ABCC6: variants seen among roughly 807,000 people sequenced by gnomAD.
The protein encoded by ABCC6 is ATP-binding cassette sub-family C member 6.
Under a neutral mutation model 169.5 loss-of-function variants are expected in ABCC6, and 126 were observed. The ratio of observed to expected loss-of-function variants is 0.74; its 90% CI spans 0.64 to 0.86. The LOEUF (loss-of-function observed/expected upper bound fraction) is 0.86, where lower values mean the gene tolerates loss of function less well. Ranked by LOEUF, ABCC6 falls within the 40% of genes least tolerant of loss-of-function variation. ABCC6 has a pLI of 0.00. For missense variants in ABCC6, 1,733 were observed against 1,927.2 expected, an observed-to-expected ratio of 0.90 and a Z score of 1.89; for synonymous variants, 752 against 814.7, an observed-to-expected ratio of 0.92 and a Z score of 1.31.
At chr16:16,155,222 G>A (rs543904861) in intron 27 of ABCC6, 191 bp from the exon 28 acceptor site, 2 of 669,400 alleles carry the variant, frequency 3.0e-6, no homozygotes, top group Non-Finnish European at 5.0e-6. Flanking sequence ...TTCCATCTGT[G>A]TTCTTCTCTA....
chr16:16,166,743 T>C (rs2046887437), intron 22 of ABCC6, among the ~76,000 whole-genome samples: 1 of 151,868 alleles, frequency 6.6e-6, no homozygotes, highest in Non-Finnish European at 1.5e-5. Flanking sequence ...ATACAAAAAT[T>C]AGCTGGGCGT....
intron 8 of ABCC6, 26 bp downstream of exon 8, chr16:16,203,384 C>T: frequency 6.2e-7 from 1 of 1,613,876 alleles, no homozygotes; most frequent in Non-Finnish European, 8.5e-7. Context: ...CCCACCTTAG[C>T]AGGGCACTTG....
chr16:16,200,284 C>T (rs917484662), intron 9 of ABCC6, among the ~76,000 whole-genome samples: 23 of 151,816 alleles, frequency 1.5e-4, no homozygotes, highest in African/African-American at 4.8e-4. Flanking sequence ...ACAAAATTAG[C>T]CGGGCATGGT....
intron 21 of ABCC6, 105 bp downstream of exon 21, chr16:16,173,179 C>T: frequency 3.3e-6 from 5 of 1,523,108 alleles, no homozygotes; most frequent in Middle Eastern, 2.3e-4. Context: ...AGTAGGTGCT[C>T]AAGAAAGGTG....
chr16:16,215,224 G>A (rs2048817620), intron 4 of ABCC6, among the ~76,000 whole-genome samples: 1 of 152,042 alleles, frequency 6.6e-6, no homozygotes, highest in Non-Finnish European at 1.5e-5. Flanking sequence ...CTCATCAGCT[G>A]GAGTTTACTT....
intron 22 of ABCC6, among the ~76,000 whole-genome samples, chr16:16,167,016 GC>G (rs2046900315): frequency 6.6e-6 from 1 of 152,256 alleles, no homozygotes; most frequent in African/African-American, 2.4e-5. Context: ...TTTCAATTGT[GC>G]TGGGCTCCCA....
chr16:16,168,604 G>A (rs547788928), intron 22 of ABCC6, among the ~76,000 whole-genome samples: 1 of 152,252 alleles, frequency 6.6e-6, no homozygotes, highest in African/African-American at 2.4e-5. Flanking sequence ...CAGGGTGGGC[G>A]AGGCAGGAGA....
rs1198731141 is a variant in ABCC6, at chr16:16,210,387, T to G, written c.663-1528A>C. On this transcript the variant is annotated intron_variant, in intron 6 of 30. Coordinates refer to ENST00000205557, the MANE Select transcript of ABCC6 (RefSeq NM_001171.6). ...CCTGACCTCAGGTGATCCACCTGCC[T>G]CAGCCTCCCAAGGTGTTGGGATTAT... Among the ~76,000 whole-genome samples the G allele has an allele frequency of 1.4e-4, 21 of 152,288 alleles. No individual in the cohort carries two copies. In the South Asian group the frequency reaches 3.9e-3, roughly 29 times the overall value.
At chr16:16,182,343 TGAGTC>T in intron 17 of ABCC6, 64 bp downstream of exon 17, 1 of 1,581,520 alleles carries the variant, frequency 6.3e-7, no homozygotes, top group Non-Finnish European at 8.7e-7. Flanking sequence ...CTGCCCATGA[TGAGTC>T]GGGGACCCAA....
rs1411488471 is a variant in ABCC6, at chr16:16,150,738, C to A, written c.4243G>T (p.Ala1415Ser). ...GQKQLLCLAR[A>S]LLRKTQILIL... ...AGGATCTGGGTCTTCCGGAGAAGGG[C>A]ACGTGCCAGACACAGGAGCTGTTTC... is the stretch of plus-strand genomic sequence containing the variant. The change falls in exon 30 of 31, where the codon GCC becomes TCC. Residue 1415 changes from alanine (A) to serine (S), a missense_variant. Coordinates refer to ENST00000205557, the MANE Select transcript of ABCC6 (RefSeq NM_001171.6). 1 of 1,613,916 alleles carries A rather than the reference C, an allele frequency of 6.2e-7. No individual in the cohort carries two copies. The highest frequency in any genetic ancestry group is 1.1e-5 in the South Asian group (1 of 91,060).
Position 16,188,936 on chromosome 16 carries a change from G to A in ABCC6, c.1674C>T (p.Ala558=), listed in dbSNP as rs758440783. 4 of 1,614,084 alleles carry A rather than the reference G, an allele frequency of 2.5e-6. No individual in the cohort carries two copies. The highest frequency in any genetic ancestry group is 2.5e-6 in the Non-Finnish European group (3 of 1,180,018). Residue 558 remains alanine (A), a synonymous_variant, in exon 13 of 31, where the codon GCC becomes GCT. Transcript: ENST00000205557. ...CTTTCTCTGCATTCATAGCATTCTC[G>A]GCCACCAGAGTGTGGACAGCAAACA... is the stretch of plus-strand genomic sequence containing the variant. ...LVVFAVHTLV[A]ENAMNAEKAF... is the part of the protein sequence containing the mutation.
At position 16,182,240 on chromosome 16, in the gene ABCC6, A is replaced by T. The variant is rs532114481; in HGVS notation, c.2247+172T>A. On this transcript the variant is annotated intron_variant, in intron 17 of 30. Coordinates refer to ENST00000205557, the MANE Select transcript of ABCC6 (RefSeq NM_001171.6). ...GTCTATTTCTGCTTATCAATTAGTG[A>T]TTACGTATTGAGCACCTAGCACGTG... Among the ~76,000 whole-genome samples the T allele has an allele frequency of 5.9e-5, 9 of 152,134 alleles. No individual in the cohort carries two copies. The East Asian group carries it at 1.7e-3, about 29-fold the overall frequency.
At chr16:16,159,455 A>AC (rs752499858) in intron 26 of ABCC6, 27 bp downstream of exon 26, 16 of 1,500,858 alleles carry the variant, frequency 1.1e-5, no homozygotes, top group Admixed American at 5.0e-5. Flanking sequence ...CCTTGCTGGG[A>AC]CCCCCTCCCC....
intron 27 of ABCC6, among the ~76,000 whole-genome samples, chr16:16,155,949 T>C (rs2046538454): frequency 6.6e-6 from 1 of 152,204 alleles, no homozygotes; most frequent in Admixed American, 6.5e-5. Flanking sequence ...AAAGTCTTGC[T>C]CTATTGCCCA....
At position 16,208,872 on chromosome 16, in the gene ABCC6, G is replaced by T. The variant is rs773406029; in HGVS notation, c.663-13C>A. ...CCTCCAGACCAGGCTGCAAAAGAGG[G>T]GCACCAGGGAAAGCTTTTCCTGCCA... On this transcript the variant is annotated splice_polypyrimidine_tract_variant and intron_variant, in intron 6 of 30. Coordinates refer to ENST00000205557, the MANE Select transcript of ABCC6 (RefSeq NM_001171.6). The T allele has an allele frequency of 3.7e-6, 6 of 1,613,396 alleles. No homozygotes were observed. The South Asian group carries it at 6.6e-5, about 18-fold the overall frequency.
At position 16,198,224 on chromosome 16, in the gene ABCC6, G is replaced by A. The variant is rs779523210; in HGVS notation, c.1177-42C>T. 47 of 1,552,356 alleles carry A rather than the reference G, an allele frequency of 3.0e-5. No homozygotes were observed. In the Middle Eastern group the frequency reaches 5.1e-4, roughly 17 times the overall value. On this transcript the variant is annotated intron_variant, in intron 9 of 30. Transcript: ENST00000205557. ...AGGAGAGAAGTAAAGTGGGGAGGCC[G>A]GGGCAGAGGGATGCCCCAGGTGGCT... is the stretch of plus-strand genomic sequence containing the variant.
intron 12 of ABCC6, 92 bp from the exon 13 acceptor site, chr16:16,189,066 G>A (rs1567511747): frequency 7.0e-7 from 1 of 1,431,870 alleles, no homozygotes; most frequent in Non-Finnish European, 9.6e-7. Flanking sequence ...CACGGTCCAT[G>A]TGGCCCACCC....
chr16:16,161,942 G>A (rs1284196744), intron 24 of ABCC6, among the ~76,000 whole-genome samples: 2 of 152,208 alleles, frequency 1.3e-5, no homozygotes, highest in Middle Eastern at 3.4e-3. Context: ...GGGATCTGGT[G>A]GGAGGTGACT....
rs773156957 is a variant in ABCC6 at position 16,177,561 on chromosome 16, T to C, written c.2481A>G (p.Ala827=). 6.2e-6 allele frequency: 10 copies of C among 1,614,230 alleles called. 1 individual carries two copies. In the South Asian group the frequency reaches 1.1e-4, roughly 18 times the overall value. The change falls in exon 19 of 31, where the codon GCA becomes GCG. Residue 827 remains alanine, a synonymous_variant. Transcript: ENST00000205557. ...LPQADWIIVL[A]NGAIAEMGSY... ...AACCCATCTCTGCGATGGCCCCATT[T>C]GCCAGCACTATGATCCAATCAGCCT...
Sources: gnomAD v4.1 joint callset for allele counts (sites outside exome capture counted in the v4.1 genomes callset) on GRCh38, gnomAD v4.1.1 for gene constraint, MANE v1.5 for transcripts, NCBI Gene and HGNC (gene_info 2026-07-23, HGNC 2026-07-21) for gene names.